Variants in CADM2 observed in about 807,000 individuals in gnomAD.
CADM2 encodes cell adhesion molecule 2.
A neutral mutation model predicts 49.8 loss-of-function variants in CADM2; 12 were observed. The ratio of observed to expected loss-of-function variants is 0.24; its 90% confidence interval spans 0.15 to 0.39. The LOEUF (loss-of-function observed/expected upper bound fraction) is 0.39, where lower values mean the gene tolerates loss of function less well. Ranked by LOEUF, CADM2 falls within the 10% of genes least tolerant of loss-of-function variation. The pLI is 1.00. For missense variants in CADM2, 378 were observed against 492.3 expected, an observed-to-expected ratio of 0.77 and a Z score of 2.20; for synonymous variants, 214 against 175.4, an observed-to-expected ratio of 1.22 and a Z score of -1.74.
chr3:85,142,763 CAG>C (rs2039616649), intron 1 of CADM2, among the ~76,000 whole-genome samples: 1 of 152,120 alleles, frequency 6.6e-6, no homozygotes, highest in Admixed American at 6.6e-5. Flanking sequence ...TAGGGCATGG[CAG>C]AGTCAATCTG....
At chr3:85,556,859 A>G (rs2107153115) in intron 1 of CADM2, among the ~76,000 whole-genome samples, 1 of 152,280 alleles carries the variant, frequency 6.6e-6, no homozygotes, top group East Asian at 1.9e-4. Flanking sequence ...TCACAGTGTC[A>G]GTGTGAATAA....
intron 8 of CADM2, among the ~76,000 whole-genome samples, chr3:86,042,205 A>G (rs2107251396): frequency 6.6e-6 from 1 of 152,344 alleles, no homozygotes; most frequent in East Asian, 1.9e-4. Context: ...AAAAGCTAGC[A>G]GAAGGCAATA....
chr3:85,549,878 C>CG (rs1441952127), intron 1 of CADM2, among the ~76,000 whole-genome samples: 2 of 151,002 alleles, frequency 1.3e-5, no homozygotes, highest in Non-Finnish European at 2.9e-5. Flanking sequence ...GTGATTTGCC[C>CG]GCCTCGGCCT....
intron 1 of CADM2, among the ~76,000 whole-genome samples, chr3:85,565,894 T>G (rs1315946333): frequency 6.7e-6 from 1 of 149,134 alleles, no homozygotes; most frequent in African/African-American, 2.4e-5. Context: ...CTTTTTTTTT[T>G]GTTTAAGTAC....
intron 7 of CADM2, among the ~76,000 whole-genome samples, chr3:85,945,349 A>G (rs1386291461): frequency 6.6e-6 from 1 of 152,160 alleles, no homozygotes; most frequent in Non-Finnish European, 1.5e-5. Context: ...TACCAGAGGT[A>G]CAAGGAGGAG....
At chr3:85,996,814 T>G (rs1157793430) in intron 8 of CADM2, among the ~76,000 whole-genome samples, 1 of 152,200 alleles carries the variant, frequency 6.6e-6, no homozygotes, top group Non-Finnish European at 1.5e-5. Context: ...ATTAGTTATT[T>G]TAATGGCTTT....
chr3:85,574,746 C>T (rs1426360963), intron 1 of CADM2, among the ~76,000 whole-genome samples: 1 of 152,158 alleles, frequency 6.6e-6, no homozygotes, highest in African/African-American at 2.4e-5. Flanking sequence ...AGCTATACAT[C>T]TAGAGTACAT....
chr3:85,001,904 A>G (rs1005475743), intron 1 of CADM2, among the ~76,000 whole-genome samples: 1 of 152,118 alleles, frequency 6.6e-6, no homozygotes, highest in African/African-American at 2.4e-5. Context: ...AAATGCCTTC[A>G]AATATGTGAT....
At chr3:85,172,956 C>CATAT (rs1214760687) in intron 1 of CADM2, among the ~76,000 whole-genome samples, 1 of 143,770 alleles carries the variant, frequency 7.0e-6, no homozygotes, top group African/African-American at 2.5e-5. Context: ...AATACATAAA[C>CATAT]ATATATATAT....
intron 1 of CADM2, among the ~76,000 whole-genome samples, chr3:85,662,114 A>G (rs2065426548): frequency 6.6e-6 from 1 of 152,020 alleles, no homozygotes; most frequent in African/African-American, 2.4e-5. Flanking sequence ...TCAAAATGAA[A>G]TTGCTAACCA....
At position 85,202,325 on chromosome 3, in the gene CADM2, A is replaced by G. The variant is rs146798243; in HGVS notation, c.61+242657A>G. Among the ~76,000 whole-genome samples the G allele has an allele frequency of 2.2e-3, 332 of 152,270 alleles. 1 individual carries two copies. The highest frequency in any genetic ancestry group is 4.4e-3 in the Admixed American group (67 of 15,290). On this transcript the variant is annotated intron_variant, in intron 1 of 9. Transcript: ENST00000383699. ...GACCAGATTTATCAAAGGAATAGCT[A>G]TCTATGGAAGCTAAAGTTTTATGAA...
intron 3 of CADM2, among the ~76,000 whole-genome samples, chr3:85,869,921 A>G (rs1482183048): frequency 6.6e-6 from 1 of 152,142 alleles, no homozygotes; most frequent in Non-Finnish European, 1.5e-5. Flanking sequence ...TTGGCCTCCC[A>G]AAGTGCTGGG....
At chr3:85,846,856 C>T (rs959420204) in intron 3 of CADM2, among the ~76,000 whole-genome samples, 6 of 152,034 alleles carry the variant, frequency 3.9e-5, no homozygotes, top group Admixed American at 3.3e-4. Context: ...AGTAAGATAC[C>T]ATGTCTAAAT....
intron 5 of CADM2, among the ~76,000 whole-genome samples, chr3:85,896,765 A>T (rs1715273728): frequency 6.6e-6 from 1 of 152,210 alleles, no homozygotes; most frequent in Non-Finnish European, 1.5e-5. Flanking sequence ...CTAATTTTCA[A>T]GTTGGCAAAA....
intron 1 of CADM2, among the ~76,000 whole-genome samples, chr3:85,083,607 T>A (rs886601884): frequency 3.9e-5 from 6 of 152,148 alleles, no homozygotes; most frequent in African/African-American, 1.4e-4. Flanking sequence ...TGCTCTACTC[T>A]AGAATACCCT....
intron 8 of CADM2, among the ~76,000 whole-genome samples, chr3:85,998,272 T>A (rs1273549201): frequency 6.6e-6 from 1 of 152,186 alleles, no homozygotes. Flanking sequence ...CCATGACTGA[T>A]ACTTTATTTT....
chr3:86,064,563 A>G (rs1023314770), intron 8 of CADM2, among the ~76,000 whole-genome samples: 1 of 152,140 alleles, frequency 6.6e-6, no homozygotes, highest in Non-Finnish European at 1.5e-5. Context: ...TCCTTTGGGT[A>G]TATACCCAGT....
intron 8 of CADM2, among the ~76,000 whole-genome samples, chr3:85,976,153 G>T (rs781691477): frequency 6.6e-6 from 1 of 151,422 alleles, no homozygotes; most frequent in African/African-American, 2.4e-5. Flanking sequence ...TTCAATATTG[G>T]GGAATATTTT....
intron 3 of CADM2, among the ~76,000 whole-genome samples, chr3:85,807,266 T>TG (rs1257236159): frequency 6.6e-6 from 1 of 151,966 alleles, no homozygotes; most frequent in Non-Finnish European, 1.5e-5. Flanking sequence ...TGGGAGGCTG[T>TG]GGCAGGCGGA....
Sources: gnomAD v4.1 joint callset for allele counts (sites outside exome capture counted in the v4.1 genomes callset) on GRCh38, gnomAD v4.1.1 for gene constraint, MANE v1.5 for transcripts, NCBI Gene and HGNC (gene_info 2026-07-23, HGNC 2026-07-21) for gene names.